POU6F2: variants seen among roughly 807,000 people sequenced by gnomAD.
POU6F2 encodes POU class 6 homeobox 2.
Under a neutral mutation model 71.3 loss-of-function variants are expected in POU6F2, and 31 were observed. The ratio of observed to expected loss-of-function variants is 0.43; its 90% CI spans 0.33 to 0.59. The LOEUF is 0.59. Ranked by LOEUF, POU6F2 falls within the 20% of genes least tolerant of loss-of-function variation. The pLI, the probability that POU6F2 is intolerant of heterozygous loss-of-function variation, is 0.04. For missense variants in POU6F2, 783 were observed against 856.8 expected (o/e 0.91, Z 1.07); for synonymous variants, 347 against 355.7 (o/e 0.98, Z 0.27).
intron 5 of POU6F2, among the ~76,000 whole-genome samples, chr7:39,341,103 G>T (rs1785908765): frequency 6.6e-6 from 1 of 152,184 alleles, no homozygotes; most frequent in Non-Finnish European, 1.5e-5. Context: ...GGTATCCTTG[G>T]CTCCTAAATA....
At chr7:39,167,777 CTAAA>C (rs1278692096) in intron 2 of POU6F2, among the ~76,000 whole-genome samples, 1 of 151,616 alleles carries the variant, frequency 6.6e-6, no homozygotes, top group Non-Finnish European at 1.5e-5. Flanking sequence ...TATTAATGCT[CTAAA>C]TATTATATAT....
chr7:39,010,086 T>C (rs1365531230), intron 1 of POU6F2, among the ~76,000 whole-genome samples: 1 of 122,634 alleles, frequency 8.2e-6, no homozygotes, highest in Non-Finnish European at 1.8e-5. Flanking sequence ...TGGAATAGTT[T>C]CAGAAGGAAT....
At chr7:39,236,282 A>C (rs936822254) in intron 4 of POU6F2, among the ~76,000 whole-genome samples, 4 of 152,174 alleles carry the variant, frequency 2.6e-5, no homozygotes, top group Non-Finnish European at 5.9e-5. Context: ...AGTGATGAGT[A>C]CTCTGAGAAT....
intron 4 of POU6F2, among the ~76,000 whole-genome samples, chr7:39,230,016 G>A (rs540302060): frequency 1.7e-4 from 26 of 152,334 alleles, no homozygotes; most frequent in Admixed American, 1.3e-3. Context: ...GCACAGATGC[G>A]ATTAAGAGAT....
chr7:39,070,686 T>C (rs1173474617), intron 1 of POU6F2, among the ~76,000 whole-genome samples: 1 of 152,198 alleles, frequency 6.6e-6, no homozygotes, highest in Non-Finnish European at 1.5e-5. Context: ...TCACATGCCC[T>C]TCCCCTCAGG....
At chr7:39,259,175 C>A (rs1784085967) in intron 4 of POU6F2, among the ~76,000 whole-genome samples, 1 of 151,986 alleles carries the variant, frequency 6.6e-6, no homozygotes, top group South Asian at 2.1e-4. Flanking sequence ...CCCAGTTCTG[C>A]CTCCATCACA....
At chr7:39,061,693 A>T (rs1790659933) in intron 1 of POU6F2, among the ~76,000 whole-genome samples, 1 of 152,222 alleles carries the variant, frequency 6.6e-6, no homozygotes, top group African/African-American at 2.4e-5. Flanking sequence ...GGTGGTGAAT[A>T]TAAGTTTTCC....
chr7:39,004,839 G>A (rs940816436), intron 1 of POU6F2, among the ~76,000 whole-genome samples: 10 of 152,242 alleles, frequency 6.6e-5, no homozygotes, highest in Non-Finnish European at 1.3e-4. Context: ...TTGTCTTCTC[G>A]TTAATGTGAT....
intron 1 of POU6F2, among the ~76,000 whole-genome samples, chr7:39,016,055 A>G (rs1584501131): frequency 1.4e-5 from 1 of 69,196 alleles, no homozygotes; most frequent in Non-Finnish European, 3.0e-5. Flanking sequence ...TATTATATAT[A>G]TTATATATAA....
In POU6F2 at chr7:39,121,903, T is replaced by C. The variant is rs145439198; in HGVS notation, c.277+35872T>C. Among the ~76,000 whole-genome samples the C allele has an allele frequency of 8.8e-3, 1,341 of 152,348 alleles. 17 individuals are homozygous for C. Among genetic ancestry groups the C allele is most frequent in the African/African-American group, 0.031 (1,285 of 41,574 alleles). On this transcript the variant is annotated intron_variant, in intron 2 of 9. Transcript: ENST00000518318. ...TAGTAGAGATGGGGTTTCACCATGCTGGCCAGGCTGGTCTCAAACTCTTGA... is the reference window on the plus strand; with the variant it reads ...TAGTAGAGATGGGGTTTCACCATGCCGGCCAGGCTGGTCTCAAACTCTTGA...
intron 2 of POU6F2, among the ~76,000 whole-genome samples, chr7:39,187,960 G>A (rs896981985): frequency 6.6e-6 from 1 of 152,144 alleles, no homozygotes; most frequent in Non-Finnish European, 1.5e-5. Context: ...CTTGTTAGAA[G>A]GCATCCTCTG....
At chr7:39,163,510 G>A (rs1793040599) in intron 2 of POU6F2, among the ~76,000 whole-genome samples, 1 of 152,190 alleles carries the variant, frequency 6.6e-6, no homozygotes, top group Admixed American at 6.5e-5. Flanking sequence ...TTTTGGGACA[G>A]CACATTTGGC....
intron 2 of POU6F2, among the ~76,000 whole-genome samples, chr7:39,087,129 T>G (rs931173651): frequency 6.6e-6 from 1 of 150,392 alleles, no homozygotes; most frequent in Non-Finnish European, 1.5e-5. Context: ...CAATTCGGCT[T>G]GAAACACAGG....
chr7:39,314,593 G>A (rs1271653200), intron 4 of POU6F2, among the ~76,000 whole-genome samples: 1 of 152,170 alleles, frequency 6.6e-6, no homozygotes, highest in Non-Finnish European at 1.5e-5. Flanking sequence ...TGTTTTGTAA[G>A]GCTATTGCTG....
chr7:39,175,718 A>G (rs1793313253), intron 2 of POU6F2, among the ~76,000 whole-genome samples: 1 of 152,238 alleles, frequency 6.6e-6, no homozygotes, highest in South Asian at 2.1e-4. Context: ...AAACCATGAA[A>G]ATCATCATGT....
At chr7:39,350,402 T>G (rs2115666598) in intron 5 of POU6F2, among the ~76,000 whole-genome samples, 1 of 152,262 alleles carries the variant, frequency 6.6e-6, no homozygotes, top group South Asian at 2.1e-4. Flanking sequence ...TCTGGTTGTC[T>G]TGGAAACTTG....
At chr7:39,019,796 A>G (rs1789640625) in intron 1 of POU6F2, among the ~76,000 whole-genome samples, 1 of 152,130 alleles carries the variant, frequency 6.6e-6, no homozygotes, top group Non-Finnish European at 1.5e-5. Context: ...TTTTGTGGAT[A>G]AAATATTTTG....
At chr7:39,181,028 C>T (rs1793424417) in intron 2 of POU6F2, among the ~76,000 whole-genome samples, 1 of 152,188 alleles carries the variant, frequency 6.6e-6, no homozygotes, top group Non-Finnish European at 1.5e-5. Context: ...TTCTAATGTG[C>T]CCCCATTCAG....
At chr7:39,356,966 T>A (rs1786274063) in intron 5 of POU6F2, among the ~76,000 whole-genome samples, 1 of 152,254 alleles carries the variant, frequency 6.6e-6, no homozygotes, top group Non-Finnish European at 1.5e-5. Flanking sequence ...CTAATTAATC[T>A]GTTTCCTTTT....
Sources: allele counts gnomAD v4.1 joint callset (sites outside exome capture counted in the v4.1 genomes callset), GRCh38; gene constraint gnomAD v4.1.1; transcripts MANE v1.5; gene names NCBI Gene and HGNC (gene_info 2026-07-23, HGNC 2026-07-21).